ADAMTS17: variants seen among roughly 807,000 people sequenced by gnomAD.
ADAMTS17 encodes A disintegrin and metalloproteinase with thrombospondin motifs 17.
Under a neutral mutation model 141.5 loss-of-function variants are expected in ADAMTS17, and 113 were observed. That is an observed-to-expected ratio of 0.80 (90% CI 0.69 to 0.93). ADAMTS17 has a LOEUF of 0.93. Among genes scored for constraint, ADAMTS17 ranks in the 40% least tolerant of loss-of-function variants. The pLI is 0.00. For missense variants in ADAMTS17, 1,659 were observed against 1,517.9 expected (o/e 1.09, Z -1.54); for synonymous variants, 768 against 630.6 (o/e 1.22, Z -3.27).
intron 18 of ADAMTS17, among the ~76,000 whole-genome samples, chr15:100,027,052 AG>A (rs2061528722): frequency 6.6e-6 from 1 of 152,224 alleles, no homozygotes; most frequent in East Asian, 1.9e-4. Context: ...ATACAGGTGA[AG>A]GCATTATGGG....
In ADAMTS17 at chr15:100,104,156, T is replaced by A. The variant is rs575237586; in HGVS notation, c.2016+4833A>T. Among the ~76,000 whole-genome samples the A allele has an allele frequency of 2.6e-5, 4 of 152,324 alleles. No homozygotes were observed. In the South Asian group the frequency reaches 6.2e-4, roughly 24 times the overall value. On this transcript the variant is annotated intron_variant, in intron 14 of 21. Coordinates refer to ENST00000268070, the MANE Select transcript of ADAMTS17 (RefSeq NM_139057.4). ...ATCATCCAATGGGCAAAGCCGCGCG[T>A]CAGCTGGACTCGCTCATTGCATGTC...
At chr15:100,133,360 C>A in intron 10 of ADAMTS17, 45 bp from the exon 11 acceptor site, 1 of 1,532,750 alleles carries the variant, frequency 6.5e-7, no homozygotes, top group East Asian at 2.4e-5. Context: ...AACACCCACA[C>A]TCACAGGTCA....
chr15:100,311,776 A>T (rs2045413879), intron 3 of ADAMTS17, among the ~76,000 whole-genome samples: 1 of 152,170 alleles, frequency 6.6e-6, no homozygotes, highest in Non-Finnish European at 1.5e-5. Flanking sequence ...TGCCTGCCCT[A>T]GCCTCACATC....
At chr15:100,139,905 C>A (rs1483398044) in intron 10 of ADAMTS17, among the ~76,000 whole-genome samples, 1 of 152,184 alleles carries the variant, frequency 6.6e-6, no homozygotes, top group Admixed American at 6.5e-5. Context: ...CTGGTGAAAT[C>A]TAAATGTATT....
intron 4 of ADAMTS17, among the ~76,000 whole-genome samples, chr15:100,276,607 A>C (rs941526901): frequency 6.6e-6 from 1 of 152,046 alleles, no homozygotes; most frequent in African/African-American, 2.4e-5. Flanking sequence ...GAAGGTGGCA[A>C]CCAACTCTAG....
chr15:100,275,825 G>A (rs541263509), intron 4 of ADAMTS17, among the ~76,000 whole-genome samples: 10 of 151,336 alleles, frequency 6.6e-5, no homozygotes, highest in African/African-American at 2.2e-4. Context: ...GAGATGCTAT[G>A]AAACCCGGAG....
At chr15:100,043,224 G>A (rs1183479736) in intron 18 of ADAMTS17, among the ~76,000 whole-genome samples, 2 of 152,216 alleles carry the variant, frequency 1.3e-5, no homozygotes, top group East Asian at 3.8e-4. Flanking sequence ...GCTGTCTACA[G>A]TCTCTAAGGC....
At chr15:100,264,369 A>C (rs2043636979) in intron 4 of ADAMTS17, among the ~76,000 whole-genome samples, 1 of 152,214 alleles carries the variant, frequency 6.6e-6, no homozygotes, top group Non-Finnish European at 1.5e-5. Context: ...TAAACTGGTA[A>C]ATTTCAGTTC....
chr15:100,136,728 T>C (rs780382620), intron 10 of ADAMTS17, among the ~76,000 whole-genome samples: 1 of 152,244 alleles, frequency 6.6e-6, no homozygotes, highest in Admixed American at 6.5e-5. Flanking sequence ...AAAGGGCATT[T>C]GAATATAAAT....
intron 2 of ADAMTS17, among the ~76,000 whole-genome samples, chr15:100,339,605 CCACA>C: frequency 8.4e-6 from 1 of 118,838 alleles, no homozygotes; most frequent in Non-Finnish European, 1.9e-5. Context: ...CGCCCCAGGT[CCACA>C]TTCCCCGCCC....
intron 18 of ADAMTS17, among the ~76,000 whole-genome samples, chr15:100,039,642 A>G (rs2727131): frequency 0.046 from 7,059 of 152,186 alleles, 338 homozygotes; most frequent in African/African-American, 0.12. Flanking sequence ...TGCTTGTTAG[A>G]TTTATTTACT....
intron 14 of ADAMTS17, among the ~76,000 whole-genome samples, chr15:100,106,903 CAAGA>C (rs2036446261): frequency 6.6e-6 from 1 of 152,216 alleles, no homozygotes; most frequent in African/African-American, 2.4e-5. Flanking sequence ...TTCTTTGTTA[CAAGA>C]AAGCAGCCAG....
At chr15:100,218,085 C>G (rs747914862) in intron 7 of ADAMTS17, among the ~76,000 whole-genome samples, 1 of 152,112 alleles carries the variant, frequency 6.6e-6, no homozygotes, top group Non-Finnish European at 1.5e-5. Context: ...GTTGCCCAGG[C>G]TAGTCTCAAA....
At chr15:100,325,312 G>A (rs1022625134) in intron 3 of ADAMTS17, among the ~76,000 whole-genome samples, 2 of 152,210 alleles carry the variant, frequency 1.3e-5, no homozygotes, top group Non-Finnish European at 1.5e-5. Context: ...ACCTTAGAAT[G>A]TGGTTGCATT....
At chr15:100,160,005 G>A (rs548361107) in intron 8 of ADAMTS17, among the ~76,000 whole-genome samples, 12 of 152,274 alleles carry the variant, frequency 7.9e-5, no homozygotes, top group African/African-American at 2.9e-4. Context: ...ACTTGCCTGG[G>A]TCACTGCCCC....
chr15:99,976,603 T>TG (rs748763181), intron 20 of ADAMTS17: 2 of 377,852 alleles, frequency 5.3e-6, no homozygotes, highest in Non-Finnish European at 1.0e-5. Context: ...TGGGTGGCTT[T>TG]GGGAGGTGAG....
intron 18 of ADAMTS17, among the ~76,000 whole-genome samples, chr15:100,026,204 G>A (rs1228691413): frequency 1.3e-5 from 2 of 152,210 alleles, no homozygotes; most frequent in East Asian, 3.8e-4. Context: ...TTGTGAGACT[G>A]ATCCAAGTTT....
At chr15:100,211,605 A>G (rs2041812264) in intron 7 of ADAMTS17, among the ~76,000 whole-genome samples, 1 of 152,246 alleles carries the variant, frequency 6.6e-6, no homozygotes, top group Non-Finnish European at 1.5e-5. Context: ...AGCAAAGATC[A>G]TAAAAAAGAT....
chr15:100,092,040 G>C (rs537258330), intron 15 of ADAMTS17, among the ~76,000 whole-genome samples: 28 of 152,300 alleles, frequency 1.8e-4, no homozygotes, highest in African/African-American at 6.5e-4. Flanking sequence ...CCCTCTGCCT[G>C]TAGGGACACC....
Sources: allele counts gnomAD v4.1 joint callset (sites outside exome capture counted in the v4.1 genomes callset), GRCh38; gene constraint gnomAD v4.1.1; transcripts MANE v1.5; gene names NCBI Gene and HGNC (gene_info 2026-07-23, HGNC 2026-07-21).